The following ROBO1 variants were observed in gnomAD, a reference collection of about 807,000 sequenced individuals.
The protein encoded by ROBO1 is roundabout homolog 1.
A neutral mutation model predicts 195.9 loss-of-function variants in ROBO1; 149 were observed. The observed-to-expected ratio is 0.76, with a 90% CI of 0.67 to 0.87. ROBO1 has a LOEUF of 0.87. ROBO1 is among the 40% of genes least tolerant of loss of function. The pLI, the probability that ROBO1 is intolerant of heterozygous loss-of-function variation, is 0.00. For synonymous variants in ROBO1, 816 were observed against 733.2 expected (o/e 1.11, Z -1.82); for missense variants, 1,933 against 2,068.3 (o/e 0.93, Z 1.27).
intron 2 of ROBO1, among the ~76,000 whole-genome samples, chr3:79,544,790 A>G (rs1278189491): frequency 6.6e-6 from 1 of 152,134 alleles, no homozygotes; most frequent in African/African-American, 2.4e-5. Context: ...AACCATCTGT[A>G]TTAAGGTACA....
intron 2 of ROBO1, among the ~76,000 whole-genome samples, chr3:79,420,138 T>C (rs1407332454): frequency 6.6e-6 from 1 of 152,156 alleles, no homozygotes; most frequent in Non-Finnish European, 1.5e-5. Context: ...TATTCCTACC[T>C]GAACAGGTGT....
At chr3:79,432,860 G>A (rs552920806) in intron 2 of ROBO1, among the ~76,000 whole-genome samples, 1 of 152,044 alleles carries the variant, frequency 6.6e-6, no homozygotes, top group South Asian at 2.1e-4. Flanking sequence ...AATTTATTTA[G>A]GCCATGTATT....
chr3:78,672,278 A>T (rs1462675531), intron 10 of ROBO1, among the ~76,000 whole-genome samples: 1 of 152,122 alleles, frequency 6.6e-6, no homozygotes, highest in African/African-American at 2.4e-5. Flanking sequence ...ACTATTATGT[A>T]AATCAGAGAT....
intron 2 of ROBO1, among the ~76,000 whole-genome samples, chr3:79,577,815 T>C (rs1943540275): frequency 6.6e-6 from 1 of 151,364 alleles, no homozygotes; most frequent in African/African-American, 2.4e-5. Context: ...AAGAGGCTGA[T>C]GCAGGAGAAT....
At chr3:78,629,965 G>A (rs1705080189) in intron 25 of ROBO1, among the ~76,000 whole-genome samples, 1 of 152,120 alleles carries the variant, frequency 6.6e-6, no homozygotes, top group South Asian at 2.1e-4. Context: ...AATGTTTTAA[G>A]CTTTATATTA....
At chr3:79,341,100 G>A (rs986852633) in intron 2 of ROBO1, among the ~76,000 whole-genome samples, 1 of 152,142 alleles carries the variant, frequency 6.6e-6, no homozygotes, top group African/African-American at 2.4e-5. Context: ...AAGTATTGAC[G>A]AGGTCATAGA....
intron 2 of ROBO1, among the ~76,000 whole-genome samples, chr3:79,454,096 T>C (rs1417315410): frequency 6.6e-6 from 1 of 151,572 alleles, no homozygotes; most frequent in Non-Finnish European, 1.5e-5. Flanking sequence ...TTAGGTGTTT[T>C]GGTGAGGAAA....
At chr3:78,602,261 G>A (rs1395546153) in intron 29 of ROBO1, among the ~76,000 whole-genome samples, 1 of 151,960 alleles carries the variant, frequency 6.6e-6, no homozygotes, top group African/African-American at 2.4e-5. Flanking sequence ...AGATCTGGTG[G>A]TTTAAAAGTA....
At chr3:79,519,245 A>C (rs1941089451) in intron 2 of ROBO1, among the ~76,000 whole-genome samples, 1 of 152,280 alleles carries the variant, frequency 6.6e-6, no homozygotes, top group African/African-American at 2.4e-5. Context: ...TTCAGCTCAG[A>C]ACCCATATTG....
At chr3:79,241,187 C>T (rs895391704) in intron 2 of ROBO1, among the ~76,000 whole-genome samples, 2 of 152,090 alleles carry the variant, frequency 1.3e-5, no homozygotes, top group African/African-American at 2.4e-5. Context: ...TATTTCTCAT[C>T]ATTAAACGTT....
At chr3:79,567,341 CAT>C (rs1189152077) in intron 2 of ROBO1, among the ~76,000 whole-genome samples, 1 of 152,192 alleles carries the variant, frequency 6.6e-6, no homozygotes, top group East Asian at 1.9e-4. Flanking sequence ...CACCAGGACA[CAT>C]GTTTTCCTGG....
chr3:79,268,116 G>A (rs1205394385), intron 2 of ROBO1, among the ~76,000 whole-genome samples: 2 of 151,524 alleles, frequency 1.3e-5, no homozygotes, highest in African/African-American at 4.8e-5. Context: ...AATTATCACA[G>A]GTACATTTTG....
chr3:79,019,581 G>T (rs1041677606), intron 3 of ROBO1: 9 of 982,942 alleles, frequency 9.2e-6, no homozygotes, highest in Non-Finnish European at 1.1e-5. Flanking sequence ...CCAGGCGCTG[G>T]TCAGGCAAGT....
At chr3:79,588,744 C>A (rs1022624608) in intron 2 of ROBO1, among the ~76,000 whole-genome samples, 1 of 151,616 alleles carries the variant, frequency 6.6e-6, no homozygotes, top group African/African-American at 2.4e-5. Flanking sequence ...TTTTAGTGGG[C>A]TAACCTAATT....
At chr3:79,086,735 C>T (rs1329699276) in intron 3 of ROBO1, among the ~76,000 whole-genome samples, 1 of 152,108 alleles carries the variant, frequency 6.6e-6, no homozygotes, top group African/African-American at 2.4e-5. Flanking sequence ...TGCCCTGCCC[C>T]GCTTACTAAT....
chr3:79,013,043 C>T (rs150165603), intron 3 of ROBO1, among the ~76,000 whole-genome samples: 1 of 152,122 alleles, frequency 6.6e-6, no homozygotes, highest in African/African-American at 2.4e-5. Flanking sequence ...TATTAAGGCT[C>T]AACCCTTCCA....
At chr3:79,607,321 G>T (rs1318489624) in intron 1 of ROBO1, among the ~76,000 whole-genome samples, 2 of 150,950 alleles carry the variant, frequency 1.3e-5, no homozygotes, top group African/African-American at 4.9e-5. Context: ...TTTTTATAGT[G>T]ACCTGAAAAT....
intron 2 of ROBO1, among the ~76,000 whole-genome samples, chr3:79,374,906 G>A (rs968443300): frequency 9.9e-5 from 15 of 152,088 alleles, no homozygotes; most frequent in Non-Finnish European, 2.1e-4. Context: ...AAGGACTTTA[G>A]CATATGTGTT....
chr3:79,373,159 C>A (rs1025057269), intron 2 of ROBO1, among the ~76,000 whole-genome samples: 1 of 152,188 alleles, frequency 6.6e-6, no homozygotes, highest in East Asian at 1.9e-4. Flanking sequence ...AATACAAGTT[C>A]TAACACTTTC....
Sources: allele counts gnomAD v4.1 joint callset (sites outside exome capture counted in the v4.1 genomes callset), GRCh38; gene constraint gnomAD v4.1.1; transcripts MANE v1.5; gene names NCBI Gene and HGNC (gene_info 2026-07-23, HGNC 2026-07-21).